Variants in NSD1 observed in about 807,000 individuals in gnomAD.
NSD1 encodes histone-lysine N-methyltransferase, H3 lysine-36 specific.
In NSD1, 26 loss-of-function variants were observed where a neutral mutation model predicts 242.7. That is an observed-to-expected ratio of 0.11 (90% CI 0.08 to 0.15). NSD1 has a LOEUF of 0.15. NSD1 is among the 10% of genes least tolerant of loss of function. The pLI is 1.00. For synonymous variants in NSD1, 1,106 were observed against 1,178.1 expected (o/e 0.94, Z 1.25); for missense variants, 2,495 against 3,272.8 (o/e 0.76, Z 5.80).
chr5:177,209,347 G>A (rs886210430), intron 4 of NSD1, among the ~76,000 whole-genome samples: 1 of 151,704 alleles, frequency 6.6e-6, no homozygotes, highest in Non-Finnish European at 1.5e-5. Context: ...GGCCAATATG[G>A]TGAAACCCCT....
At chr5:177,185,922 A>T (rs1174492869) in intron 2 of NSD1, among the ~76,000 whole-genome samples, 2 of 88,170 alleles carry the variant, frequency 2.3e-5, no homozygotes, top group Admixed American at 2.0e-4. Context: ...ATATATATTT[A>T]TATATATAAA....
chr5:177,283,961 T>A (rs1759097106), intron 20 of NSD1, 33 bp downstream of exon 20: 1 of 1,613,684 alleles, frequency 6.2e-7, no homozygotes. Flanking sequence ...GCAGCTGACA[T>A]CTGAATTTCA....
At chr5:177,218,548 C>T (rs1413054906) in intron 5 of NSD1, among the ~76,000 whole-genome samples, 1 of 151,326 alleles carries the variant, frequency 6.6e-6, no homozygotes, top group African/African-American at 2.4e-5. Flanking sequence ...AGATTAAATT[C>T]CACTTGGTCA....
intron 2 of NSD1, among the ~76,000 whole-genome samples, chr5:177,188,889 A>T (rs1460469624): frequency 6.6e-6 from 1 of 152,070 alleles, no homozygotes; most frequent in Non-Finnish European, 1.5e-5. Flanking sequence ...GTTATATTCC[A>T]TCTCTACAAA....
chr5:177,240,207 C>T (rs183046671), intron 8 of NSD1, among the ~76,000 whole-genome samples: 1 of 151,954 alleles, frequency 6.6e-6, no homozygotes, highest in Non-Finnish European at 1.5e-5. Context: ...AGTCTACTCT[C>T]CTATTGCCGT....
In NSD1 at chr5:177,238,923, A is replaced by G. The variant is rs139484681; in HGVS notation, c.4192+416A>G. On this transcript the variant is annotated intron_variant, in intron 7 of 22. Coordinates refer to ENST00000439151, the MANE Select transcript of NSD1 (RefSeq NM_022455.5). The surrounding 1 kb of genome is among the most constrained non-coding windows in gnomAD (Gnocchi z 4.6). ...TCCTCATCTATAAATGGAGATCATA[A>G]TGTATTAATGTGTAATGTTATATAC... Among the ~76,000 whole-genome samples the G allele has an allele frequency of 6.6e-6, 1 of 152,350 alleles. No individual in the cohort carries two copies. The highest frequency in any genetic ancestry group is 2.4e-5 in the African/African-American group (1 of 41,572).
rs1757767961 is a variant in NSD1 at position 177,269,271 on chromosome 5, C to T, written c.5304-331C>T. On this transcript the variant is annotated intron_variant, in intron 15 of 22. Coordinates refer to ENST00000439151, the MANE Select transcript of NSD1 (RefSeq NM_022455.5). This position sits in a 1 kb window ranked among gnomAD's most constrained non-coding sequence, Gnocchi z 5.1. ...ATTTTCTTGATGTTGAGCATTTATA[C>T]TTTTTCCAGTTTTTCCTTCTTATAA... Among the ~76,000 whole-genome samples the T allele has an allele frequency of 6.6e-6, 1 of 152,096 alleles. No individual in the cohort carries two copies. The highest frequency in any genetic ancestry group is 2.1e-4 in the South Asian group (1 of 4,820).
chr5:177,220,966 C>A (rs917997598), intron 5 of NSD1: 3 of 450,026 alleles, frequency 6.7e-6, no homozygotes, highest in South Asian at 4.7e-5. Context: ...TGGGTTCAAG[C>A]GATTCTTGTG....
rs1038882596 is a variant in NSD1, at chr5:177,218,181, G to A, written c.3796+5986G>A. On this transcript the variant is annotated intron_variant, in intron 5 of 22. Transcript: ENST00000439151. ...TCCCACCTCAGCATCCCAAGTAGCT[G>A]GGACTGCAGGTGTGCACCATGACAC... Among the ~76,000 whole-genome samples, 3 of 152,094 alleles carry A rather than the reference G, an allele frequency of 2.0e-5. No homozygotes were observed. The South Asian group carries it at 6.2e-4, about 32-fold the overall frequency.
Position 177,183,160 on chromosome 5 carries a change from T to C in NSD1, c.928-8724T>C, listed in dbSNP as rs1475083357. On this transcript the variant is annotated intron_variant, in intron 2 of 22. Coordinates refer to ENST00000439151, the MANE Select transcript of NSD1 (RefSeq NM_022455.5). Reference sequence around the variant, plus strand: ...GCCCAGGCTGGATATTCTTTTCTTTTAGCACTATATATTTTTTCCCCCAAA... The same window carrying C: ...GCCCAGGCTGGATATTCTTTTCTTTCAGCACTATATATTTTTTCCCCCAAA... Among the ~76,000 whole-genome samples, 5 of 152,206 alleles carry C rather than the reference T, an allele frequency of 3.3e-5. No individual in the cohort carries two copies. In the East Asian group the frequency reaches 9.6e-4, roughly 29 times the overall value.
intron 12 of NSD1, among the ~76,000 whole-genome samples, chr5:177,253,546 C>T (rs1368571706): frequency 1.3e-5 from 2 of 152,036 alleles, no homozygotes; most frequent in Non-Finnish European, 2.9e-5. Context: ...GGTTGTTTCC[C>T]GTTTTGGTTA....
intron 2 of NSD1, among the ~76,000 whole-genome samples, chr5:177,187,947 G>A (rs1761365960): frequency 6.6e-6 from 1 of 152,140 alleles, no homozygotes; most frequent in Non-Finnish European, 1.5e-5. Context: ...TATAAAAAAG[G>A]CTTAGTACCA....
chr5:177,138,089 AC>A (rs1756492618), intron 2 of NSD1, among the ~76,000 whole-genome samples: 3 of 141,948 alleles, frequency 2.1e-5, no homozygotes, highest in Admixed American at 7.0e-5. Context: ...AAAAAAAACA[AC>A]AAAAAAACAA....
chr5:177,188,133 A>C (rs976120505), intron 2 of NSD1, among the ~76,000 whole-genome samples: 4 of 152,114 alleles, frequency 2.6e-5, no homozygotes, highest in East Asian at 1.9e-4. Flanking sequence ...TGTCTTGTTG[A>C]GCTTTGTACA....
intron 5 of NSD1, among the ~76,000 whole-genome samples, chr5:177,217,668 T>A (rs79197631): frequency 6.9e-6 from 1 of 145,948 alleles, no homozygotes; most frequent in African/African-American, 2.5e-5. Flanking sequence ...GTCACATTCT[T>A]TTTTTTTTTT....
chr5:177,158,264 T>C (rs969885329), intron 2 of NSD1, among the ~76,000 whole-genome samples: 1 of 101,748 alleles, frequency 9.8e-6, no homozygotes, highest in African/African-American at 5.6e-5. Flanking sequence ...TTTCTTTCTT[T>C]CTTTCTTTCT....
rs1763178149 is a variant in NSD1 at position 177,209,690 on chromosome 5, T to C, written c.1291T>C (p.Tyr431His). Residue 431 changes from tyrosine (Y) to histidine (H), a missense_variant, in exon 5 of 23, where the codon TAT (tyrosine) becomes CAT (histidine). Transcript: ENST00000439151. Reference sequence around the variant, plus strand: ...AGCCAGTGTTGGACTTGCAGAACAGTATGATGTTCCCAAGGGGTCAAAGAA... The same window carrying C: ...AGCCAGTGTTGGACTTGCAGAACAGCATGATGTTCCCAAGGGGTCAAAGAA... ...WEASVGLAEQ[Y>H]DVPKGSKNRK... 6 of 1,613,974 alleles carry C rather than the reference T, an allele frequency of 3.7e-6. No homozygotes were observed. In the East Asian group the frequency reaches 1.3e-4, roughly 36 times the overall value.
intron 2 of NSD1, among the ~76,000 whole-genome samples, chr5:177,157,379 A>G (rs193091821): frequency 6.6e-6 from 1 of 151,780 alleles, no homozygotes; most frequent in Non-Finnish European, 1.5e-5. Flanking sequence ...AGAAAAAAAA[A>G]ATATATAATT....
intron 5 of NSD1, among the ~76,000 whole-genome samples, chr5:177,227,551 A>G (rs906659807): frequency 2.0e-4 from 30 of 152,120 alleles, no homozygotes; most frequent in Admixed American, 3.9e-4. Context: ...GGTTCAAGCA[A>G]TTCTCCTGCC....
Sources: gnomAD v4.1 joint callset for allele counts (sites outside exome capture counted in the v4.1 genomes callset) on GRCh38, gnomAD v4.1.1 for gene constraint, Gnocchi (gnomAD v3.1) non-coding constraint, MANE v1.5 for transcripts, NCBI Gene and HGNC (gene_info 2026-07-23, HGNC 2026-07-21) for gene names.